Variants in BPNT1 observed in about 807,000 individuals in gnomAD.
BPNT1 encodes 3'(2'),5'-bisphosphate nucleotidase 1.
A neutral mutation model predicts 36.9 loss-of-function variants in BPNT1; 28 were observed. That is an observed-to-expected ratio of 0.76 (90% confidence interval 0.56 to 1.04). BPNT1 has a LOEUF of 1.04. BPNT1 is among the 50% of genes least tolerant of loss of function. The probability of loss-of-function intolerance (pLI) is 0.00; values close to 1 mark genes in which losing one functional copy is unlikely to be tolerated. For synonymous variants in BPNT1, 119 were observed against 130.9 expected, an observed-to-expected ratio of 0.91 and a Z score of 0.62; for missense variants, 313 against 372.9, an observed-to-expected ratio of 0.84 and a Z score of 1.32.
intron 1 of BPNT1, among the ~76,000 whole-genome samples, chr1:220,084,132 A>T (rs1386415018): frequency 6.6e-6 from 1 of 152,086 alleles, no homozygotes; most frequent in Non-Finnish European, 1.5e-5. Flanking sequence ...GGAGATCGAG[A>T]CCATCCTGGC....
chr1:220,062,744 A>G lies in BPNT1; in HGVS notation c.672+13T>C, dbSNP rs774258672. On this transcript the variant is annotated intron_variant, in intron 7 of 8. Coordinates refer to ENST00000322067, the MANE Select transcript of BPNT1 (RefSeq NM_006085.6). ...ACTTGCACTTCAGAGCAGATGACAG[A>G]CATTTTTCATACCTTATTTCCTGCT... 1 of 1,613,698 alleles carries G rather than the reference A, an allele frequency of 6.2e-7. No individual in the cohort carries two copies. The highest frequency in any genetic ancestry group is 8.5e-7 in the Non-Finnish European group (1 of 1,179,562).
chr1:220,085,875 A>G (rs1655670073), intron 1 of BPNT1, among the ~76,000 whole-genome samples: 1 of 152,240 alleles, frequency 6.6e-6, no homozygotes, highest in African/African-American at 2.4e-5. Context: ...ATGGAAAAAA[A>G]CAACAGGAAT....
intron 2 of BPNT1, among the ~76,000 whole-genome samples, chr1:220,078,187 TAAA>T (rs756467379): frequency 1.7e-5 from 2 of 116,844 alleles, no homozygotes; most frequent in Non-Finnish European, 3.6e-5. Flanking sequence ...CTTGTCTCTT[TAAA>T]AAAAAAAAAA....
chr1:220,067,425 A>C, intron 5 of BPNT1, 32 bp from the exon 6 acceptor site: 4 of 1,501,978 alleles, frequency 2.7e-6, no homozygotes, highest in Non-Finnish European at 3.7e-6. Flanking sequence ...CAGTTATATA[A>C]CTTGCTCATA....
Position 220,058,663 on chromosome 1 carries a change from C to T in BPNT1, c.*181G>A. The T allele has an allele frequency of 1.3e-6, 1 of 760,858 alleles. No individual in the cohort carries two copies. Among genetic ancestry groups the T allele is most frequent in the Non-Finnish European group, 1.9e-6 (1 of 519,590 alleles). The allele number at this position is 760,858 out of a possible 1,614,324, so 47.1% of individuals were successfully genotyped here. ...TCTTCTGCTTCAGCCTCTCAAGTAG[C>T]TGGGATGACAGGCGCATGACAGGAT... On this transcript the variant is annotated 3_prime_UTR_variant, in exon 9 of 9. Transcript: ENST00000322067.
chr1:220,067,145 T>A, intron 6 of BPNT1, 157 bp downstream of exon 6: 2 of 218,252 alleles, frequency 9.2e-6, no homozygotes, highest in Non-Finnish European at 1.8e-5. Context: ...AAGTTAAAAA[T>A]AAATAAATAA....
At chr1:220,081,998 C>A (rs1222453590) in intron 1 of BPNT1, among the ~76,000 whole-genome samples, 1 of 149,600 alleles carries the variant, frequency 6.7e-6, no homozygotes, top group African/African-American at 2.5e-5. Context: ...ACAAAAACTT[C>A]CCACCTCTAA....
At chr1:220,067,845 T>C (rs1174916568) in intron 5 of BPNT1, among the ~76,000 whole-genome samples, 1 of 152,342 alleles carries the variant, frequency 6.6e-6, no homozygotes, top group Admixed American at 6.5e-5. Flanking sequence ...CTTTTTATAA[T>C]ACAGATCTTC....
At chr1:220,060,463 G>A (rs1411323230) in intron 7 of BPNT1, among the ~76,000 whole-genome samples, 4 of 151,912 alleles carry the variant, frequency 2.6e-5, no homozygotes, top group Admixed American at 1.3e-4. Flanking sequence ...GCGACAGAGC[G>A]AGACTCTGTC....
intron 2 of BPNT1, among the ~76,000 whole-genome samples, chr1:220,074,740 C>T (rs1017315891): frequency 4.6e-5 from 7 of 151,732 alleles, no homozygotes; most frequent in East Asian, 1.9e-4. Flanking sequence ...GTGATCCACC[C>T]GCCTTGACCT....
chr1:220,073,340 G>A (rs962205587), intron 3 of BPNT1, among the ~76,000 whole-genome samples: 1 of 151,546 alleles, frequency 6.6e-6, no homozygotes, highest in Admixed American at 6.6e-5. Context: ...CCAGGCTGGA[G>A]TGCAGGGACA....
chr1:220,072,737 G>A (rs966038632), intron 4 of BPNT1, 113 bp downstream of exon 4: 34 of 761,894 alleles, frequency 4.5e-5, no homozygotes, highest in Non-Finnish European at 6.8e-5. Flanking sequence ...TCAAGTTTCT[G>A]GTTGCCCCTA....
intron 6 of BPNT1, among the ~76,000 whole-genome samples, chr1:220,065,562 G>A (rs1458444703): frequency 1.3e-5 from 2 of 152,310 alleles, no homozygotes; most frequent in East Asian, 3.9e-4. Context: ...GCAATATAAA[G>A]TAATACAGTA....
In BPNT1 at chr1:220,067,412, T is replaced by A. The variant is rs1395364594; in HGVS notation, c.383-19A>T. ...AGAAGACCTGCAAAGAAGAAATAAA[T>A]ATCAGTTATATAACTTGCTCATATT... is the stretch of plus-strand genomic sequence containing the variant. On this transcript the variant is annotated intron_variant, in intron 5 of 8. Transcript: ENST00000322067. 6.5e-7 allele frequency: 1 copy of A among 1,547,140 alleles called. No homozygotes were observed. Among genetic ancestry groups the A allele is most frequent in the South Asian group, 1.1e-5 (1 of 87,228 alleles).
At chr1:220,081,309 G>A (rs1365821327) in intron 1 of BPNT1, among the ~76,000 whole-genome samples, 1 of 152,126 alleles carries the variant, frequency 6.6e-6, no homozygotes, top group Non-Finnish European at 1.5e-5. Context: ...TTGGGAGGCC[G>A]AGATGGGCAG....
In BPNT1 at chr1:220,074,003, G is replaced by A. The variant is rs779232004; in HGVS notation, c.189C>T (p.Ala63=). 6 of 1,614,044 alleles carry A rather than the reference G, an allele frequency of 3.7e-6. No individual in the cohort carries two copies. The highest frequency in any genetic ancestry group is 2.5e-6 in the Non-Finnish European group (3 of 1,180,000). Residue 63 remains alanine, a synonymous_variant, in exon 3 of 9, where the codon GCC becomes GCT. Transcript: ENST00000322067. ...LAQMSICSSL[A]RKFPKLTIIG... ...TAATTGTGAGTTTGGGGAATTTCCG[G>A]GCCAATGAAGAACATATGCTCATCT...
In BPNT1 at chr1:220,084,565, T is replaced by C. The variant is rs1655538055; in HGVS notation, c.-8-4711A>G. ...ATGTTATATAAGAATTCTTTTGTAA[T>C]AGGAAGATCACCTTCCCTCACTGTA... On this transcript the variant is annotated intron_variant, in intron 1 of 8. Coordinates refer to ENST00000322067, the MANE Select transcript of BPNT1 (RefSeq NM_006085.6). Among the ~76,000 whole-genome samples the C allele has an allele frequency of 2.6e-5, 4 of 152,194 alleles. No homozygotes were observed. In the South Asian group the frequency reaches 8.3e-4, roughly 32 times the overall value.
chr1:220,057,962 T>C lies in BPNT1; in HGVS notation c.*882A>G, dbSNP rs1371265456. 1.2e-6 allele frequency: 1 copy of C among 824,630 alleles called. No homozygotes were observed. The highest frequency in any genetic ancestry group is 6.6e-5 in the East Asian group (1 of 15,252). The allele number at this position is 824,630 out of a possible 1,614,324, so 51.1% of individuals were successfully genotyped here. ...GGAGTCCGAGGCAGACAGATCACGATGTCAGGAGATCAAGACCATCCTGGC... is the reference window on the plus strand; with the variant it reads ...GGAGTCCGAGGCAGACAGATCACGACGTCAGGAGATCAAGACCATCCTGGC... On this transcript the variant is annotated 3_prime_UTR_variant, in exon 9 of 9. Transcript: ENST00000322067.
In BPNT1 at chr1:220,085,194, T is replaced by C. The variant is rs376257559; in HGVS notation, c.-9+4492A>G. ...TACTACAGTGAGATTTACCTTTTGA[T>C]GATACAGGTAGATTAAGAGCAAGGC... On this transcript the variant is annotated intron_variant, in intron 1 of 8. Coordinates refer to ENST00000322067, the MANE Select transcript of BPNT1 (RefSeq NM_006085.6). Among the ~76,000 whole-genome samples the C allele has an allele frequency of 2.6e-5, 4 of 152,222 alleles. No individual in the cohort carries two copies. In the East Asian group the frequency reaches 5.8e-4, roughly 22 times the overall value.
Sources: allele counts gnomAD v4.1 joint callset (sites outside exome capture counted in the v4.1 genomes callset), GRCh38; gene constraint gnomAD v4.1.1; transcripts MANE v1.5; gene names NCBI Gene and HGNC (gene_info 2026-07-23, HGNC 2026-07-21).